The following ABCG5 variants were observed in gnomAD, a reference collection of about 807,000 sequenced individuals.
ABCG5 encodes ATP binding cassette subfamily G member 5.
A neutral mutation model predicts 64.5 loss-of-function variants in ABCG5; 64 were observed. The ratio of observed to expected loss-of-function variants is 0.99; its 90% CI spans 0.81 to 1.22. The LOEUF (loss-of-function observed/expected upper bound fraction) is 1.22. ABCG5 is among the 50% of genes most tolerant of loss of function. The pLI is 0.00. For missense variants in ABCG5, 908 were observed against 829.5 expected (o/e 1.09, Z -1.16); for synonymous variants, 385 against 326.3 (o/e 1.18, Z -1.94).
Position 43,822,901 on chromosome 2 carries a change from ACT to A in ABCG5, c.1357_1358del (p.Gln454GlyfsTer41), listed in dbSNP as rs1452680924. 6.2e-7 allele frequency: 1 copy of A among 1,613,786 alleles called. No homozygotes were observed. Among genetic ancestry groups the A allele is most frequent in the Admixed American group, 1.7e-5 (1 of 59,978 alleles). On this transcript the variant is annotated frameshift_variant, in exon 10 of 13. Transcript: ENST00000405322. LOFTEE classifies it high-confidence loss of function. The part of the protein sequence containing the change: ...PVLRAVSDQE[S>X]QDGLYQKWQM... ...GCCACTTCTGGTAGAGGCCGTCCTG[ACT>A]CTCCTGGTCGCTGACAGCTCGCAGC...
chr2:43,833,300 A>T, intron 2 of ABCG5, among the ~76,000 whole-genome samples: 1 of 152,044 alleles, frequency 6.6e-6, no homozygotes, highest in Non-Finnish European at 1.5e-5. Flanking sequence ...CTATCTGGGA[A>T]GATAGCAAGA....
At chr2:43,836,748 AGAG>A (rs1668294713) in intron 2 of ABCG5, among the ~76,000 whole-genome samples, 1 of 152,202 alleles carries the variant, frequency 6.6e-6, no homozygotes, top group South Asian at 2.1e-4. Flanking sequence ...ACCCTGGGAA[AGAG>A]GAGGAGAAGG....
At chr2:43,814,727 A>T (rs1666706584) in intron 11 of ABCG5, 138 bp from the exon 12 acceptor site, 5 of 593,326 alleles carry the variant, frequency 8.4e-6, no homozygotes, top group Non-Finnish European at 1.5e-5. Flanking sequence ...TGCTCACTAT[A>T]AAAAAACCTT....
At chr2:43,816,283 G>A (rs1268132803) in intron 11 of ABCG5, among the ~76,000 whole-genome samples, 1 of 152,192 alleles carries the variant, frequency 6.6e-6, no homozygotes, top group East Asian at 1.9e-4. Flanking sequence ...AGACACAGCT[G>A]CTGCCTTCAA....
intron 4 of ABCG5, chr2:43,828,602 C>T (rs1667779083): frequency 3.1e-6 from 1 of 319,856 alleles, no homozygotes; most frequent in African/African-American, 2.2e-5. Flanking sequence ...GTTGAGACCA[C>T]AGTTAGCCAT....
chr2:43,838,403 T>C lies in ABCG5; in HGVS notation c.143+134A>G, dbSNP rs1668418063. On this transcript the variant is annotated intron_variant, in intron 1 of 12. Transcript: ENST00000405322. The surrounding 1 kb of genome is among the most constrained non-coding windows in gnomAD (Gnocchi z 4.2). ...CAGCACAGCCCTTCTCCCTCTCCTC[T>C]CTCCACCCGATCCACTAAAGAGGGA... 2.4e-6 allele frequency: 2 copies of C among 836,978 alleles called. No individual in the cohort carries two copies. Among genetic ancestry groups the C allele is most frequent in the Non-Finnish European group, 3.7e-6 (2 of 538,030 alleles). The allele number at this position is 836,978 out of a possible 1,614,324, so 51.8% of individuals were successfully genotyped here. A position where few individuals can be genotyped will look rare whatever the true frequency, so the allele number is the denominator to read the frequency against.
At chr2:43,810,429 G>A (rs1666441820), downstream of ABCG5, 2 of 985,330 alleles carry the variant, frequency 2.0e-6, no homozygotes. Context: ...AACATCATGT[G>A]TTGCGGATAA....
In ABCG5 at chr2:43,820,041, G is replaced by A. The variant is rs1436539228; in HGVS notation, c.1523C>T (p.Ala508Val). The A allele has an allele frequency of 6.2e-6, 10 of 1,614,042 alleles. No homozygotes were observed. The highest frequency in any genetic ancestry group is 3.3e-5 in the Admixed American group (2 of 60,000). ...TAGAAATTCACCAATTAAGTGGGGGGCCAAGAGAGCAGCAGAAAAATATCC... is the reference window on the plus strand; with the variant it reads ...TAGAAATTCACCAATTAAGTGGGGGACCAAGAGAGCAGCAGAAAAATATCC... The part of the protein sequence containing the change: ...RFGYFSAALL[A>V]PHLIGEFLTL... The change falls in exon 11 of 13, where the codon GCC becomes GTC. Residue 508 changes from alanine to valine, a missense_variant. Ala to Val is a moderately conservative substitution (Grantham distance 64). Coordinates refer to ENST00000405322, the MANE Select transcript of ABCG5 (RefSeq NM_022436.3).
chr2:43,833,036 C>T (rs1355159191), intron 2 of ABCG5, among the ~76,000 whole-genome samples: 2 of 152,192 alleles, frequency 1.3e-5, no homozygotes, highest in Non-Finnish European at 2.9e-5. Context: ...TCTCGACCTC[C>T]TGACCTCAGG....
intron 10 of ABCG5, among the ~76,000 whole-genome samples, chr2:43,821,199 A>G (rs1018957231): frequency 3.3e-5 from 5 of 152,174 alleles, no homozygotes; most frequent in African/African-American, 1.2e-4. Context: ...TGCTTATGCT[A>G]TCAATGCCGT....
intron 5 of ABCG5, among the ~76,000 whole-genome samples, 153 bp from the exon 6 acceptor site, chr2:43,826,674 G>A (rs183450290): frequency 6.6e-6 from 1 of 152,356 alleles, no homozygotes; most frequent in Admixed American, 6.5e-5. Flanking sequence ...TTCAGCCTGA[G>A]CTCAGGAGAA....
At chr2:43,836,694 C>G (rs1455490968) in intron 2 of ABCG5, among the ~76,000 whole-genome samples, 2 of 152,156 alleles carry the variant, frequency 1.3e-5, no homozygotes, top group Non-Finnish European at 1.5e-5. Flanking sequence ...CAATGACTGG[C>G]TGATGCAGGG....
downstream of ABCG5, among the ~76,000 whole-genome samples, chr2:43,808,540 G>A (rs2104726274): frequency 6.6e-6 from 1 of 152,294 alleles, no homozygotes; most frequent in South Asian, 2.1e-4. Context: ...CATGTAGGAG[G>A]CCAAGAGGCA....
chr2:43,838,708 T>A lies in ABCG5; in HGVS notation c.-29A>T. The A allele has an allele frequency of 6.2e-7, 1 of 1,611,590 alleles. No individual in the cohort carries two copies. The highest frequency in any genetic ancestry group is 8.5e-7 in the Non-Finnish European group (1 of 1,179,136). ...CAACAGGCAGCAAAGCTGGGCAAAT[T>A]TTCTGGTGGCCGGACCCTCCCCAGA... On this transcript the variant is annotated 5_prime_UTR_variant, in exon 1 of 13. Coordinates refer to ENST00000405322, the MANE Select transcript of ABCG5 (RefSeq NM_022436.3). This position sits in a 1 kb window ranked among gnomAD's most constrained non-coding sequence, Gnocchi z 4.2.
At chr2:43,809,295 G>T (rs1666395063), downstream of ABCG5, among the ~76,000 whole-genome samples, 1 of 152,072 alleles carries the variant, frequency 6.6e-6, no homozygotes, top group Non-Finnish European at 1.5e-5. Flanking sequence ...CCCAGCCTGG[G>T]TATGTATTTT....
At chr2:43,837,142 C>G (rs1572805836) in intron 2 of ABCG5, among the ~76,000 whole-genome samples, 1 of 134,752 alleles carries the variant, frequency 7.4e-6, no homozygotes, top group African/African-American at 2.8e-5. Flanking sequence ...TTTTTTGAGA[C>G]AGGGTCTTGC....
intron 10 of ABCG5, 100 bp from the exon 11 acceptor site, chr2:43,820,200 G>A: frequency 7.0e-7 from 1 of 1,433,536 alleles, no homozygotes; most frequent in Non-Finnish European, 9.6e-7. Flanking sequence ...GTGAGTGGGT[G>A]GGAGAAGTTT....
chr2:43,823,868 G>T (rs76576389), intron 9 of ABCG5, 45 bp downstream of exon 9: 5 of 1,596,754 alleles, frequency 3.1e-6, no homozygotes, highest in Admixed American at 1.7e-5. Context: ...GAGAAGGGAG[G>T]TATTTAGGGA....
downstream of ABCG5, among the ~76,000 whole-genome samples, chr2:43,808,778 G>A (rs114127102): frequency 0.022 from 3,281 of 152,078 alleles, 81 homozygotes; most frequent in African/African-American, 0.062. Flanking sequence ...TGTTATTTTT[G>A]CTGGCTGCCT....
Sources: allele counts gnomAD v4.1 joint callset (sites outside exome capture counted in the v4.1 genomes callset), GRCh38; gene constraint gnomAD v4.1.1; non-coding constraint Gnocchi (gnomAD v3.1); transcripts MANE v1.5; gene names NCBI Gene and HGNC (gene_info 2026-07-23, HGNC 2026-07-21).